The following ANKRD17 variants were observed in gnomAD, a reference collection of about 807,000 sequenced individuals.
ANKRD17 encodes ankyrin repeat domain 17.
Under a neutral mutation model 229.7 loss-of-function variants are expected in ANKRD17, and 19 were observed. The ratio of observed to expected loss-of-function variants is 0.08; its 90% CI spans 0.06 to 0.12. The LOEUF is 0.12. Among genes scored for constraint, ANKRD17 ranks in the 10% least tolerant of loss-of-function variants. The pLI is 1.00. For missense variants in ANKRD17, 2,176 were observed against 3,176.8 expected, an observed-to-expected ratio of 0.68 and a Z score of 7.57; for synonymous variants, 1,112 against 1,146.1, an observed-to-expected ratio of 0.97 and a Z score of 0.60.
intron 1 of ANKRD17, among the ~76,000 whole-genome samples, chr4:73,226,635 C>T (rs567780634): frequency 4.7e-5 from 7 of 150,186 alleles, no homozygotes; most frequent in Admixed American, 6.6e-5. Context: ...CCTCGTAATT[C>T]ACCCGCCTCA....
intron 1 of ANKRD17, among the ~76,000 whole-genome samples, chr4:73,185,474 A>T (rs1736169019): frequency 1.3e-5 from 2 of 152,008 alleles, no homozygotes; most frequent in Non-Finnish European, 2.9e-5. Context: ...CAGGAAAAGA[A>T]GTTATCTTCA....
chr4:73,191,341 A>ATATATATGTGTGTGTGTGTGTG (rs1553933228), intron 1 of ANKRD17, among the ~76,000 whole-genome samples: 1 of 125,244 alleles, frequency 8.0e-6, no homozygotes. Flanking sequence ...AAAAATATAT[A>ATATATATGTGTGTGTGTGTGTG]TGTGTGTGTG....
intron 16 of ANKRD17, among the ~76,000 whole-genome samples, chr4:73,130,975 A>T (rs543008433): frequency 6.6e-6 from 1 of 152,208 alleles, no homozygotes; most frequent in Non-Finnish European, 1.5e-5. Flanking sequence ...AAGTTTGGTT[A>T]TACCAAACTT....
At chr4:73,144,445 A>G (rs1311091806) in intron 11 of ANKRD17, among the ~76,000 whole-genome samples, 1 of 152,248 alleles carries the variant, frequency 6.6e-6, no homozygotes, top group African/African-American at 2.4e-5. Flanking sequence ...AGAAAGTGCT[A>G]TAGTACATGA....
At chr4:73,079,101 A>C (rs1215760563) in intron 30 of ANKRD17, among the ~76,000 whole-genome samples, 4 of 152,244 alleles carry the variant, frequency 2.6e-5, no homozygotes, top group African/African-American at 4.8e-5. Flanking sequence ...AAAATGTTCA[A>C]CTACAAAGGT....
intron 25 of ANKRD17, 112 bp from the exon 26 acceptor site, chr4:73,098,632 C>T: frequency 9.8e-7 from 1 of 1,018,566 alleles, no homozygotes; most frequent in South Asian, 1.6e-5. Context: ...CTACTATTAG[C>T]CATGTAAGTT....
rs186588614 is a variant in ANKRD17, at chr4:73,138,459, T to C, written c.3085+1072A>G. On this transcript the variant is annotated intron_variant, in intron 15 of 33. Coordinates refer to ENST00000358602, the MANE Select transcript of ANKRD17 (RefSeq NM_032217.5). ...TCTTAGTGTCTGAACGTTACCTAAA[T>C]ATCTAAACACTATACAGTTTAGTTT... Among the ~76,000 whole-genome samples the C allele has an allele frequency of 9.9e-5, 15 of 152,236 alleles. 1 individual carries two copies. Among genetic ancestry groups the C allele is most frequent in the African/African-American group, 3.6e-4 (15 of 41,568 alleles).
chr4:73,243,908 G>A (rs1337250119), intron 1 of ANKRD17, among the ~76,000 whole-genome samples: 3 of 152,116 alleles, frequency 2.0e-5, no homozygotes, highest in Non-Finnish European at 4.4e-5. Context: ...GTTTACTAGC[G>A]CTACCATAAC....
chr4:73,077,457 T>C lies in ANKRD17; in HGVS notation c.7485A>G (p.Ser2495=), dbSNP rs1220849120. 6.2e-7 allele frequency: 1 copy of C among 1,613,862 alleles called. No individual in the cohort carries two copies. Among genetic ancestry groups the C allele is most frequent in the Non-Finnish European group, 8.5e-7 (1 of 1,179,856 alleles). ...TATCTCGCTCCATTGCTTGATGTTG[T>C]GAAAATACTCCTGGGTCAGACATCG... is the stretch of plus-strand genomic sequence containing the variant. ...HRPMSDPGVF[S]QHQAMERDST... is the part of the protein sequence containing the mutation. Residue 2495 remains serine, a synonymous_variant, in exon 32 of 34, where the codon TCA becomes TCG. Transcript: ENST00000358602.
At chr4:73,090,559 A>G in intron 29 of ANKRD17, 108 bp downstream of exon 29, 1 of 1,392,392 alleles carries the variant, frequency 7.2e-7, no homozygotes, top group Non-Finnish European at 9.8e-7. Flanking sequence ...AAATCCAACA[A>G]TCTTTGTCTA....
intron 24 of ANKRD17, among the ~76,000 whole-genome samples, chr4:73,107,896 T>A (rs1374530875): frequency 6.6e-6 from 1 of 152,196 alleles, no homozygotes; most frequent in East Asian, 1.9e-4. Flanking sequence ...ATCAGGGTGC[T>A]ACATAAACTA....
intron 1 of ANKRD17, among the ~76,000 whole-genome samples, chr4:73,214,769 T>C (rs1232579844): frequency 6.8e-6 from 1 of 147,566 alleles, no homozygotes; most frequent in Non-Finnish European, 1.5e-5. Context: ...TTTAGGAGCC[T>C]GAGACTCCTA....
At chr4:73,162,761 A>C (rs1732701368) in intron 2 of ANKRD17, among the ~76,000 whole-genome samples, 1 of 152,134 alleles carries the variant, frequency 6.6e-6, no homozygotes, top group Non-Finnish European at 1.5e-5. Context: ...CCTATAAAGC[A>C]TGCAGCATTC....
chr4:73,224,630 T>C (rs1742274351), intron 1 of ANKRD17, among the ~76,000 whole-genome samples: 1 of 152,180 alleles, frequency 6.6e-6, no homozygotes, highest in African/African-American at 2.4e-5. Flanking sequence ...ATTTTTAAAC[T>C]ACATTTTGCT....
At chr4:73,153,378 C>T (rs1479033567) in intron 6 of ANKRD17, among the ~76,000 whole-genome samples, 1 of 152,046 alleles carries the variant, frequency 6.6e-6, no homozygotes, top group Non-Finnish European at 1.5e-5. Flanking sequence ...TACTTTACAG[C>T]CATTTATCTG....
At chr4:73,171,331 G>T (rs988881490) in intron 2 of ANKRD17, among the ~76,000 whole-genome samples, 2 of 152,126 alleles carry the variant, frequency 1.3e-5, no homozygotes, top group African/African-American at 2.4e-5. Context: ...GTACCTCTAT[G>T]AATCCATAAA....
rs61757701 is a variant in ANKRD17 at position 73,091,859 on chromosome 4, A to G, written c.5769T>C (p.Thr1923=). The change falls in exon 29 of 34, where the codon ACT becomes ACC. Residue 1923 remains threonine, a synonymous_variant. Coordinates refer to ENST00000358602, the MANE Select transcript of ANKRD17 (RefSeq NM_032217.5). ...FGGTFPPAQS[T]WGPFPVRPLS... ...AAGGCCTGACAGGAAACGGACCCCAAGTGGATTGAGCTGGTGGAAAAGTAC... is the reference window on the plus strand; with the variant it reads ...AAGGCCTGACAGGAAACGGACCCCAGGTGGATTGAGCTGGTGGAAAAGTAC... 2,157 of 1,614,188 alleles carry G rather than the reference A, an allele frequency of 1.3e-3. 3 individuals are homozygous for G. The highest frequency in any genetic ancestry group is 1.5e-3 in the Non-Finnish European group (1,737 of 1,180,034).
chr4:73,251,470 G>A (rs889194758), intron 1 of ANKRD17, among the ~76,000 whole-genome samples: 2 of 151,884 alleles, frequency 1.3e-5, no homozygotes, highest in African/African-American at 4.8e-5. Context: ...AGATTCAAGG[G>A]ACTAGAAGGG....
intron 1 of ANKRD17, among the ~76,000 whole-genome samples, chr4:73,211,415 C>T (rs915801945): frequency 6.6e-6 from 1 of 151,956 alleles, no homozygotes; most frequent in African/African-American, 2.4e-5. Context: ...TAGTTCAAAG[C>T]CAAACTGAGC....
Sources: gnomAD v4.1 joint callset for allele counts (sites outside exome capture counted in the v4.1 genomes callset) on GRCh38, gnomAD v4.1.1 for gene constraint, MANE v1.5 for transcripts, NCBI Gene and HGNC (gene_info 2026-07-23, HGNC 2026-07-21) for gene names.